NBPF3: variants seen among roughly 807,000 people sequenced by gnomAD.
NBPF3 encodes the protein NBPF member 3, also known as NBPF family member NBPF3.
In NBPF3, 57 loss-of-function variants were observed where a neutral mutation model predicts 78.1. The ratio of observed to expected loss-of-function variants is 0.73; its 90% CI spans 0.59 to 0.91. The LOEUF is 0.91. Ranked by LOEUF, NBPF3 falls within the 40% of genes least tolerant of loss-of-function variation. The pLI is 0.00. For missense variants in NBPF3, 510 were observed against 715.3 expected, an observed-to-expected ratio of 0.71 and a Z score of 3.27; for synonymous variants, 182 against 271.7, an observed-to-expected ratio of 0.67 and a Z score of 3.25.
intron 7 of NBPF3, among the ~76,000 whole-genome samples, chr1:21,474,110 T>C (rs773209724): frequency 6.6e-6 from 1 of 152,242 alleles, no homozygotes; most frequent in Non-Finnish European, 1.5e-5. Context: ...AAAGCAAGGC[T>C]GGACCCTGGT....
intron 2 of NBPF3, among the ~76,000 whole-genome samples, chr1:21,449,532 C>T (rs1318737527): frequency 6.6e-6 from 1 of 151,910 alleles, no homozygotes; most frequent in African/African-American, 2.4e-5. Context: ...AATGTAATGG[C>T]GTGATCTAGC....
chr1:21,452,036 A>C (rs1329284364), intron 2 of NBPF3: 4 of 157,156 alleles, frequency 2.5e-5, no homozygotes, highest in African/African-American at 9.6e-5. Context: ...TCTTCATATC[A>C]CTTTAAATGA....
At chr1:21,474,193 CTTTTCT>C (rs1642764345) in intron 7 of NBPF3, among the ~76,000 whole-genome samples, 1 of 138,656 alleles carries the variant, frequency 7.2e-6, no homozygotes. Flanking sequence ...TTTTTCTTTT[CTTTTCT>C]TTTTCTTTTT....
chr1:21,467,338 C>G (rs927406053), intron 2 of NBPF3: 5 of 985,350 alleles, frequency 5.1e-6, no homozygotes, highest in East Asian at 1.1e-4. Context: ...CTTAGGAGAC[C>G]TGGGCTACAG....
At chr1:21,443,742 T>C (rs1421041960) in intron 1 of NBPF3, among the ~76,000 whole-genome samples, 1 of 152,080 alleles carries the variant, frequency 6.6e-6, no homozygotes, top group African/African-American at 2.4e-5. Flanking sequence ...GCCTCCTTAG[T>C]AGCTGGGTCT....
chr1:21,443,574 C>T (rs1406536816), intron 1 of NBPF3, among the ~76,000 whole-genome samples: 1 of 152,042 alleles, frequency 6.6e-6, no homozygotes, highest in African/African-American at 2.4e-5. Context: ...GTGATATAAA[C>T]AATAGTATTC....
At chr1:21,478,121 C>T in intron 8 of NBPF3, 23 bp from the exon 9 acceptor site, 1 of 1,613,562 alleles carries the variant, frequency 6.2e-7, no homozygotes, top group African/African-American at 1.3e-5. Flanking sequence ...CTTCTGTCAT[C>T]CCTGTCCTGC....
chr1:21,477,086 C>T (rs1216028043), intron 8 of NBPF3, among the ~76,000 whole-genome samples: 1 of 152,152 alleles, frequency 6.6e-6, no homozygotes, highest in Non-Finnish European at 1.5e-5. Context: ...GAAGCTTGTG[C>T]ATGTGTCACG....
chr1:21,476,223 T>C lies in NBPF3; in HGVS notation c.992+1272T>C, dbSNP rs1269116164. ...CACACTGATGGGTCTTGACTCCTTA[T>C]CCAATTTGCCAGTCTGTGTCTTTTA... On this transcript the variant is annotated intron_variant, in intron 8 of 14. Coordinates refer to ENST00000318249, the MANE Select transcript of NBPF3 (RefSeq NM_032264.6). This position sits in a 1 kb window ranked among gnomAD's most constrained non-coding sequence, Gnocchi z 4.1. Among the ~76,000 whole-genome samples, 4 of 152,206 alleles carry C rather than the reference T, an allele frequency of 2.6e-5. No homozygotes were observed. Among genetic ancestry groups the C allele is most frequent in the Non-Finnish European group, 5.9e-5 (4 of 68,040 alleles).
At chr1:21,463,241 CAGAG>C (rs1642051919) in intron 2 of NBPF3, among the ~76,000 whole-genome samples, 1 of 152,174 alleles carries the variant, frequency 6.6e-6, no homozygotes, top group Non-Finnish European at 1.5e-5. Context: ...CAAGCGTTCT[CAGAG>C]AGGTCTCGAC....
At chr1:21,469,241 CTGT>C (rs1642454375) in intron 3 of NBPF3, among the ~76,000 whole-genome samples, 1 of 152,280 alleles carries the variant, frequency 6.6e-6, no homozygotes, top group African/African-American at 2.4e-5. Flanking sequence ...AACATCTAGT[CTGT>C]TGTTCTAAAT....
At chr1:21,440,392 C>A (rs1344042440) in intron 1 of NBPF3, 44 bp downstream of exon 1, 13 of 137,094 alleles carry the variant, frequency 9.5e-5, no homozygotes, top group African/African-American at 3.5e-4. Context: ...AATCCGGGAC[C>A]GGCGGGCGCA....
At chr1:21,444,161 A>G (rs1194794404) in intron 1 of NBPF3, among the ~76,000 whole-genome samples, 1 of 152,232 alleles carries the variant, frequency 6.6e-6, no homozygotes, top group Non-Finnish European at 1.5e-5. Context: ...GAATGAATGA[A>G]TGAACATACT....
At position 21,445,222 on chromosome 1, in the gene NBPF3, A is replaced by G. The variant is rs1163012675; in HGVS notation, c.133+3A>G. Reference sequence around the variant, plus strand: ...TCAAGAGCTGCGAGATCCAACAGGTAAAAATCCCGAGGCATTGCCAGCTCG... The same window carrying G: ...TCAAGAGCTGCGAGATCCAACAGGTGAAAATCCCGAGGCATTGCCAGCTCG... On this transcript the variant is annotated splice_donor_region_variant and intron_variant, in intron 2 of 14. Transcript: ENST00000318249. The G allele has an allele frequency of 2.5e-6, 4 of 1,611,174 alleles. No homozygotes were observed. The African/African-American group carries it at 4.0e-5, about 16-fold the overall frequency.
At chr1:21,440,133 A>T (rs964966467), upstream of NBPF3, 1 of 152,192 alleles carries the variant, frequency 6.6e-6, no homozygotes, top group Non-Finnish European at 1.5e-5. Flanking sequence ...GCGCAGGCGC[A>T]GGCACAGGCG....
chr1:21,448,767 C>G (rs1257700191), intron 2 of NBPF3, among the ~76,000 whole-genome samples: 1 of 152,192 alleles, frequency 6.6e-6, no homozygotes, highest in Non-Finnish European at 1.5e-5. Context: ...AGTAGCTTCT[C>G]TTCCCTGTGA....
chr1:21,455,302 G>A (rs1231936068), intron 2 of NBPF3, among the ~76,000 whole-genome samples: 1 of 152,184 alleles, frequency 6.6e-6, no homozygotes, highest in African/African-American at 2.4e-5. Context: ...CACAATCGCA[G>A]GAGTGACATC....
intron 2 of NBPF3, among the ~76,000 whole-genome samples, chr1:21,450,853 AAATGACGGGACAGACATAG>A (rs1395893080): frequency 6.6e-6 from 1 of 152,214 alleles, no homozygotes; most frequent in African/African-American, 2.4e-5. Flanking sequence ...CCCTAACGTG[AAATGACGGGACAGACATAG>A]AATAACAGCT....
chr1:21,436,893 T>G (rs914109354), upstream of NBPF3: 2 of 353,292 alleles, frequency 5.7e-6, no homozygotes, highest in Non-Finnish European at 9.4e-6. The surrounding 1 kb of genome is among the most constrained non-coding windows in gnomAD (Gnocchi z 4.3). Context: ...CGGGGACGGG[T>G]CCGGGGAGGT....
Sources: gnomAD v4.1 joint callset for allele counts (sites outside exome capture counted in the v4.1 genomes callset) on GRCh38, gnomAD v4.1.1 for gene constraint, Gnocchi (gnomAD v3.1) non-coding constraint, MANE v1.5 for transcripts, NCBI Gene and HGNC (gene_info 2026-07-23, HGNC 2026-07-21) for gene names.